CEP97: variants seen among roughly 807,000 people sequenced by gnomAD.
The protein encoded by CEP97 is centrosomal protein 97.
Under a neutral mutation model 73.1 loss-of-function variants are expected in CEP97, and 43 were observed. That is an observed-to-expected ratio of 0.59 (90% CI 0.46 to 0.76). The LOEUF (loss-of-function observed/expected upper bound fraction) is 0.76, where lower values mean the gene tolerates loss of function less well. Among genes scored for constraint, CEP97 ranks in the 30% least tolerant of loss-of-function variants. The pLI is 0.00. For missense variants in CEP97, 939 were observed against 1,014.0 expected (o/e 0.93, Z 1.00); for synonymous variants, 337 against 370.0 (o/e 0.91, Z 1.02).
Position 101,757,859 on chromosome 3 carries a change from C to T in CEP97, c.1253C>T (p.Thr418Ile). ...TCAGGACTGTCTCCACTATCACCTA[C>T]AGTTGAGCTGAGGCTGCAGGGCATT... ...VASGLSPLSP[T>I]VELRLQGINL... The change falls in exon 9 of 11, where the codon ACA becomes ATA. Residue 418 changes from threonine (T) to isoleucine (I), a missense_variant. Physicochemically the swap from Thr to Ile is moderately conservative, Grantham distance 89. Coordinates refer to ENST00000341893, the MANE Select transcript of CEP97 (RefSeq NM_024548.4). 2 of 1,614,250 alleles carry T rather than the reference C, an allele frequency of 1.2e-6. No individual in the cohort carries two copies. Among genetic ancestry groups the T allele is most frequent in the Non-Finnish European group, 1.7e-6 (2 of 1,180,050 alleles).
chr3:101,747,024 A>C (rs1332690130), intron 6 of CEP97, among the ~76,000 whole-genome samples: 9 of 149,632 alleles, frequency 6.0e-5, no homozygotes, highest in Non-Finnish European at 1.3e-4. Flanking sequence ...AAAAGTCAGG[A>C]AACAACAGGT....
intron 6 of CEP97, among the ~76,000 whole-genome samples, chr3:101,754,007 G>C (rs1938932104): frequency 1.3e-5 from 2 of 151,194 alleles, no homozygotes; most frequent in Admixed American, 6.6e-5. Flanking sequence ...GCTCATGCTG[G>C]GAGCTGTAGA....
Position 101,726,715 on chromosome 3 carries a change from G to T in CEP97, c.165G>T (p.Glu55Asp), listed in dbSNP as rs753538743. Residue 55 changes from glutamate (E) to aspartate (D), a missense_variant, in exon 2 of 11, where the codon GAG becomes GAT. Glu to Asp is a conservative substitution (Grantham distance 45, BLOSUM62 2). Coordinates refer to ENST00000341893, the MANE Select transcript of CEP97 (RefSeq NM_024548.4). ...AGATTATTAAATTGGAAAATCTGGA[G>T]AAATGCAAACGATTAATACAGGTAG... ...KNQIIKLENLEKCKRLIQLSV... is the reference protein window; with the variant it reads ...KNQIIKLENLDKCKRLIQLSV... 1.2e-6 allele frequency: 2 copies of T among 1,605,880 alleles called. No homozygotes were observed. Among genetic ancestry groups the T allele is most frequent in the Admixed American group, 3.4e-5 (2 of 59,170 alleles).
rs760746114 is a variant in CEP97, at chr3:101,768,634, A to C, written c.*3083A>C. On this transcript the variant is annotated 3_prime_UTR_variant, in exon 11 of 11. Coordinates refer to ENST00000341893, the MANE Select transcript of CEP97 (RefSeq NM_024548.4). ...GAGGATCACTTGAGGCCAGGAGTTC[A>C]AGACCAGCCTGGACAACATAGCAAG... 11 of 152,330 alleles carry C rather than the reference A, an allele frequency of 7.2e-5. No individual in the cohort carries two copies. The highest frequency in any genetic ancestry group is 1.3e-4 in the Non-Finnish European group (9 of 68,036). 9.4% of individuals were successfully genotyped at this position (152,330 alleles called of 1,614,324 possible). A position where few individuals can be genotyped will look rare whatever the true frequency, so the allele number is the denominator to read the frequency against.
intron 6 of CEP97, among the ~76,000 whole-genome samples, chr3:101,733,295 C>A (rs1938171363): frequency 6.6e-6 from 1 of 152,094 alleles, no homozygotes; most frequent in African/African-American, 2.4e-5. Flanking sequence ...TCAGATCAGT[C>A]TCACAAAAGC....
At chr3:101,758,749 A>G (rs1264123093) in intron 9 of CEP97, 1 of 243,428 alleles carries the variant, frequency 4.1e-6, no homozygotes, top group Non-Finnish European at 8.0e-6. Flanking sequence ...TATAAAAATG[A>G]GAAGATGATG....
At chr3:101,730,231 T>TTTTG (rs1560008268) in intron 4 of CEP97, among the ~76,000 whole-genome samples, 12,705 of 144,984 alleles carry the variant, frequency 0.088, 629 homozygotes, top group Admixed American at 0.14. Flanking sequence ...CGAGTCTGTT[T>TTTTG]TTTTGTTTTG....
chr3:101,764,339 C>T (rs569256645), intron 10 of CEP97, among the ~76,000 whole-genome samples: 1 of 152,156 alleles, frequency 6.6e-6, no homozygotes, highest in Non-Finnish European at 1.5e-5. Flanking sequence ...TGGACGGACA[C>T]GGTGGCTCAC....
intron 10 of CEP97, among the ~76,000 whole-genome samples, chr3:101,763,608 C>G (rs2107194394): frequency 6.6e-6 from 1 of 152,232 alleles, no homozygotes; most frequent in East Asian, 1.9e-4. Flanking sequence ...CAAAGGGAAA[C>G]TAAAAACTGT....
At chr3:101,737,937 G>T (rs895955488) in intron 6 of CEP97, among the ~76,000 whole-genome samples, 1 of 147,700 alleles carries the variant, frequency 6.8e-6, no homozygotes, top group African/African-American at 2.5e-5. Flanking sequence ...GCTGCACTCA[G>T]GAGATGCATC....
intron 8 of CEP97, 97 bp downstream of exon 8, chr3:101,757,293 G>T: frequency 7.3e-7 from 1 of 1,369,928 alleles, no homozygotes; most frequent in Non-Finnish European, 9.9e-7. Context: ...ATAATTTTTT[G>T]TTAGTTTACT....
chr3:101,756,484 C>A (rs1223487120), intron 7 of CEP97, among the ~76,000 whole-genome samples: 1 of 151,756 alleles, frequency 6.6e-6, no homozygotes, highest in Non-Finnish European at 1.5e-5. Flanking sequence ...CCTCTTCAGA[C>A]CCCCTTCAGT....
intron 10 of CEP97, 143 bp from the exon 11 acceptor site, chr3:101,764,704 G>C: frequency 1.6e-6 from 1 of 630,780 alleles, no homozygotes. Context: ...GATCACTTGA[G>C]CCCAGGAGGT....
At chr3:101,748,122 C>T (rs1318987661) in intron 6 of CEP97, among the ~76,000 whole-genome samples, 1 of 94,600 alleles carries the variant, frequency 1.1e-5, no homozygotes, top group Admixed American at 1.5e-4. Context: ...GCAGAGAGAC[C>T]TTGTCTCAAA....
intron 6 of CEP97, among the ~76,000 whole-genome samples, chr3:101,752,769 AT>A (rs1938875097): frequency 6.6e-6 from 1 of 151,972 alleles, no homozygotes; most frequent in South Asian, 2.1e-4. Context: ...ACTTCTCTGT[AT>A]TGATTATTCT....
At chr3:101,757,559 A>G in intron 8 of CEP97, 75 bp from the exon 9 acceptor site, 1 of 1,398,246 alleles carries the variant, frequency 7.2e-7, no homozygotes, top group Non-Finnish European at 9.7e-7. Context: ...ATTTCAAGGA[A>G]TAGATTTCAT....
chr3:101,726,746 G>A lies in CEP97; in HGVS notation c.186+10G>A, dbSNP rs946943841. Reference sequence around the variant, plus strand: ...CAAACGATTAATACAGGTAGGTATTGCAATCTGGGAAATGGTTACATAGGA... The same window carrying A: ...CAAACGATTAATACAGGTAGGTATTACAATCTGGGAAATGGTTACATAGGA... On this transcript the variant is annotated intron_variant, in intron 2 of 10. Coordinates refer to ENST00000341893, the MANE Select transcript of CEP97 (RefSeq NM_024548.4). 1.9e-6 allele frequency: 3 copies of A among 1,573,518 alleles called. No homozygotes were observed. The highest frequency in any genetic ancestry group is 8.6e-7 in the Non-Finnish European group (1 of 1,156,978).
At chr3:101,739,430 C>T (rs1212747001) in intron 6 of CEP97, among the ~76,000 whole-genome samples, 1 of 152,200 alleles carries the variant, frequency 6.6e-6, no homozygotes, top group Non-Finnish European at 1.5e-5. Flanking sequence ...CAATAAAATA[C>T]TGGCTAACCG....
In CEP97 at chr3:101,765,429, C is replaced by T; in HGVS notation, c.2476C>T (p.Pro826Ser). ...TGTAGATGAGAGTCATGGCATATCT[C>T]CTCCTTTGCAAGGTGAAATTAGCCA... Reference protein sequence around the residue: ...ASVDESHGISPPLQGEISQTQ... With the variant: ...ASVDESHGISSPLQGEISQTQ... Residue 826 changes from proline to serine, a missense_variant, in exon 11 of 11, where the codon CCT becomes TCT. Coordinates refer to ENST00000341893, the MANE Select transcript of CEP97 (RefSeq NM_024548.4). 6.2e-7 allele frequency: 1 copy of T among 1,614,126 alleles called. No individual in the cohort carries two copies. The highest frequency in any genetic ancestry group is 8.5e-7 in the Non-Finnish European group (1 of 1,179,998).
Sources: gnomAD v4.1 joint callset for allele counts (sites outside exome capture counted in the v4.1 genomes callset) on GRCh38, gnomAD v4.1.1 for gene constraint, MANE v1.5 for transcripts, NCBI Gene and HGNC (gene_info 2026-07-23, HGNC 2026-07-21) for gene names.